DLGAP4: variants seen among roughly 807,000 people sequenced by gnomAD.
DLGAP4 encodes the protein DLG associated protein 4.
In DLGAP4, 18 loss-of-function variants were observed where a neutral mutation model predicts 86.9. That is an observed-to-expected ratio of 0.21 (90% CI 0.14 to 0.31). DLGAP4 has a LOEUF of 0.31. Among genes scored for constraint, DLGAP4 ranks in the 10% least tolerant of loss-of-function variants. The pLI, the probability that DLGAP4 is intolerant of heterozygous loss-of-function variation, is 1.00. For synonymous variants in DLGAP4, 548 were observed against 574.3 expected (o/e 0.95, Z 0.65); for missense variants, 1,085 against 1,362.6 (o/e 0.80, Z 3.21).
intron 7 of DLGAP4, among the ~76,000 whole-genome samples, chr20:36,480,309 G>T (rs1419258878): frequency 6.6e-6 from 1 of 152,236 alleles, no homozygotes; most frequent in Non-Finnish European, 1.5e-5. Context: ...AGACTTTGCT[G>T]TCTGAAGCCC....
At chr20:36,419,615 G>A (rs572274649) in intron 2 of DLGAP4, among the ~76,000 whole-genome samples, 4 of 152,284 alleles carry the variant, frequency 2.6e-5, no homozygotes, top group East Asian at 3.9e-4. Flanking sequence ...ACTGCCATCC[G>A]AAGTCCTAAC....
chr20:36,306,852 C>T lies in DLGAP4; in HGVS notation c.-304+340C>T, dbSNP rs1296132443. Among the ~76,000 whole-genome samples the T allele has an allele frequency of 1.3e-5, 2 of 152,154 alleles. No individual in the cohort carries two copies. The highest frequency in any genetic ancestry group is 4.8e-5 in the African/African-American group (2 of 41,446). The stretch of plus-strand genomic sequence containing the variant: ...CTTTTTCCCGCGGACTCCCCCGTAC[C>T]CCATATCAAGCGGCTGCCAAAGCCT... On this transcript the variant is annotated intron_variant, in intron 1 of 12. Transcript: ENST00000339266. The surrounding 1 kb of genome is among the most constrained non-coding windows in gnomAD (Gnocchi z 4.9).
At chr20:36,407,431 C>T (rs1431537460) in intron 2 of DLGAP4, among the ~76,000 whole-genome samples, 2 of 152,090 alleles carry the variant, frequency 1.3e-5, no homozygotes, top group African/African-American at 2.4e-5. Flanking sequence ...TGCTGTATAC[C>T]AGGCTCTGAG....
At chr20:36,343,519 A>G (rs1330832498) in intron 1 of DLGAP4, among the ~76,000 whole-genome samples, 1 of 152,092 alleles carries the variant, frequency 6.6e-6, no homozygotes, top group African/African-American at 2.4e-5. Context: ...TGGGTTTCTT[A>G]GTTCCACCGC....
chr20:36,317,307 TCC>T (rs2065117470), intron 1 of DLGAP4, among the ~76,000 whole-genome samples: 2 of 170 alleles, frequency 0.012, 1 homozygote, highest in African/African-American at 0.043. Context: ...CTTTCTTTCT[TCC>T]TTCCTTCCTT....
chr20:36,461,935 CAG>C, intron 7 of DLGAP4: 1 of 985,104 alleles, frequency 1.0e-6, no homozygotes, highest in African/African-American at 1.7e-5. Flanking sequence ...CTTCAGCCCT[CAG>C]AGCCGCCCTT....
intron 1 of DLGAP4, among the ~76,000 whole-genome samples, chr20:36,337,283 C>T (rs2065332409): frequency 1.5e-5 from 2 of 134,380 alleles, no homozygotes; most frequent in Admixed American, 1.7e-4. Context: ...CTCATTCGCT[C>T]AATAATTCAT....
chr20:36,499,809 G>A, intron 9 of DLGAP4, 133 bp downstream of exon 9: 1 of 841,906 alleles, frequency 1.2e-6, no homozygotes, highest in Non-Finnish European at 1.9e-6. Flanking sequence ...GTTGCGGGTG[G>A]TGGCCCAGGC....
intron 7 of DLGAP4, chr20:36,461,748 T>TCCGTCCGTCCGTCCGTCCGC (rs1474275856): frequency 1.3e-6 from 1 of 770,428 alleles, no homozygotes; most frequent in Non-Finnish European, 1.5e-6. Context: ...CGTCCGTCCG[T>TCCGTCCGTCCGTCCGTCCGC]CCGCCCGCCC....
intron 7 of DLGAP4, among the ~76,000 whole-genome samples, chr20:36,459,413 G>A (rs921427792): frequency 6.6e-6 from 1 of 152,050 alleles, no homozygotes. Flanking sequence ...GTCTCACTCT[G>A]TCACCCAAAT....
chr20:36,364,679 T>C (rs1470393841), intron 1 of DLGAP4, among the ~76,000 whole-genome samples: 1 of 152,226 alleles, frequency 6.6e-6, no homozygotes, highest in Non-Finnish European at 1.5e-5. Flanking sequence ...GTCTTCTGTG[T>C]CTGGCCTCTT....
intron 1 of DLGAP4, among the ~76,000 whole-genome samples, chr20:36,349,577 T>G (rs2030075181): frequency 6.6e-6 from 1 of 152,120 alleles, no homozygotes; most frequent in South Asian, 2.1e-4. Flanking sequence ...GCAAAGGCCC[T>G]GAGGCAGGAG....
chr20:36,383,033 C>T (rs963653440), intron 2 of DLGAP4, among the ~76,000 whole-genome samples: 8 of 152,170 alleles, frequency 5.3e-5, no homozygotes, highest in Non-Finnish European at 1.2e-4. Context: ...CTGGTCACAC[C>T]ATCTTAATGC....
intron 2 of DLGAP4, among the ~76,000 whole-genome samples, chr20:36,380,936 A>T (rs2425232): frequency 0.65 from 99,150 of 152,048 alleles, 32,446 homozygotes; most frequent in South Asian, 0.82. Context: ...CCAGATTTGG[A>T]CACATGGACA....
At chr20:36,311,758 T>G (rs1817900510) in intron 1 of DLGAP4, among the ~76,000 whole-genome samples, 1 of 151,908 alleles carries the variant, frequency 6.6e-6, no homozygotes. Flanking sequence ...GCACAGCCGG[T>G]GAAGTGGAGG....
chr20:36,325,882 T>A (rs6030933), intron 1 of DLGAP4, among the ~76,000 whole-genome samples: 26 of 152,054 alleles, frequency 1.7e-4, no homozygotes, highest in African/African-American at 5.5e-4. Context: ...CATGCCTGGC[T>A]GATTTTTGTA....
In DLGAP4 at chr20:36,522,389, G is replaced by A. The variant is rs573345316; in HGVS notation, c.2513-1861G>A. ...TGCCCAGGCTGGTCTTGAACTCCTG[G>A]GCTCAAGTGATCCTCCTGCCTCAAG... On this transcript the variant is annotated intron_variant, in intron 10 of 12. Coordinates refer to ENST00000339266, the MANE Select transcript of DLGAP4 (RefSeq NM_001365621.2). 2.6e-5 allele frequency among the ~76,000 whole-genome samples: 4 copies of A among 152,194 alleles called. No individual in the cohort carries two copies. In the East Asian group the frequency reaches 7.7e-4, roughly 29 times the overall value.
intron 2 of DLGAP4, among the ~76,000 whole-genome samples, chr20:36,422,081 A>G (rs1173237670): frequency 2.0e-5 from 3 of 152,132 alleles, no homozygotes; most frequent in East Asian, 3.9e-4. Context: ...AGACACAGCC[A>G]TGGCGCAACA....
At chr20:36,422,324 C>T (rs1451585217) in intron 2 of DLGAP4, among the ~76,000 whole-genome samples, 1 of 152,218 alleles carries the variant, frequency 6.6e-6, no homozygotes, top group Non-Finnish European at 1.5e-5. Flanking sequence ...CCTCCCTTCA[C>T]TTAGACTCTC....
Sources: gnomAD v4.1 joint callset for allele counts (sites outside exome capture counted in the v4.1 genomes callset) on GRCh38, gnomAD v4.1.1 for gene constraint, Gnocchi (gnomAD v3.1) non-coding constraint, MANE v1.5 for transcripts, NCBI Gene and HGNC (gene_info 2026-07-23, HGNC 2026-07-21) for gene names.